The following DEPTOR variants were observed in gnomAD, a reference collection of about 807,000 sequenced individuals.
DEPTOR encodes DEP domain-containing mTOR-interacting protein.
In DEPTOR, 41 loss-of-function variants were observed where a neutral mutation model predicts 41.6. The observed-to-expected ratio is 0.98, with a 90% confidence interval of 0.77 to 1.28. The LOEUF is 1.28. DEPTOR is among the 50% of genes most tolerant of loss of function. The pLI is 0.00. For missense variants in DEPTOR, 514 were observed against 527.9 expected (o/e 0.97, Z 0.26); for synonymous variants, 195 against 192.3 (o/e 1.01, Z -0.12).
chr8:120,040,624 A>C (rs1459338388), intron 8 of DEPTOR, among the ~76,000 whole-genome samples: 4 of 151,402 alleles, frequency 2.6e-5, no homozygotes, highest in African/African-American at 9.8e-5. Context: ...GTGCTTTTTC[A>C]CTTGAGCAAT....
At chr8:119,884,429 G>A (rs1253539446) in intron 1 of DEPTOR, among the ~76,000 whole-genome samples, 7 of 152,190 alleles carry the variant, frequency 4.6e-5, no homozygotes, top group East Asian at 3.8e-4. Context: ...AATACTATGC[G>A]AGTCGTGAGT....
At chr8:119,981,629 A>C (rs1420636945) in intron 4 of DEPTOR, among the ~76,000 whole-genome samples, 1 of 148,336 alleles carries the variant, frequency 6.7e-6, no homozygotes, top group Non-Finnish European at 1.5e-5. Flanking sequence ...CTGCACTCCA[A>C]GCAACAGAGC....
intron 4 of DEPTOR, among the ~76,000 whole-genome samples, chr8:119,985,089 C>T (rs1828812796): frequency 6.6e-6 from 1 of 152,190 alleles, no homozygotes; most frequent in Non-Finnish European, 1.5e-5. Flanking sequence ...AGGAGAATCA[C>T]TTGGACCCAG....
chr8:119,910,159 T>TG (rs1230121102), intron 1 of DEPTOR, among the ~76,000 whole-genome samples: 2 of 152,294 alleles, frequency 1.3e-5, no homozygotes, highest in African/African-American at 4.8e-5. Context: ...GGGGCTACAT[T>TG]GGGAAACAGG....
In DEPTOR at chr8:119,991,051, TTTC is replaced by T. The variant is rs1347423919; in HGVS notation, c.605-10471_605-10469del. On this transcript the variant is annotated intron_variant, in intron 4 of 8. Coordinates refer to ENST00000286234, the MANE Select transcript of DEPTOR (RefSeq NM_022783.4). Reference sequence around the variant, plus strand: ...TTTCTTTTCTTTCTTTCTTTCTTTCTTTCTTTCTTTCTTTCTTTCTTTCTTTCT... The same window carrying T: ...TTTCTTTTCTTTCTTTCTTTCTTTCTTTTCTTTCTTTCTTTCTTTCTTTCT... Among the ~76,000 whole-genome samples the T allele has an allele frequency of 3.8e-3, 92 of 23,938 alleles. No homozygotes were observed. The South Asian group carries it at 0.04, about 10-fold the overall frequency. 15.7% of individuals were successfully genotyped at this position (23,938 alleles called of 152,430 possible).
chr8:119,923,150 T>C (rs1827917660), intron 1 of DEPTOR, among the ~76,000 whole-genome samples: 2 of 152,208 alleles, frequency 1.3e-5, no homozygotes, highest in African/African-American at 4.8e-5. Flanking sequence ...AGACTTATTA[T>C]GTATATTGAG....
At chr8:120,015,961 G>C (rs942062237) in intron 8 of DEPTOR, among the ~76,000 whole-genome samples, 1 of 152,156 alleles carries the variant, frequency 6.6e-6, no homozygotes, top group African/African-American at 2.4e-5. Flanking sequence ...TGTGGGGCAG[G>C]GGCAAGAAGG....
chr8:119,992,628 C>T (rs1812189441), intron 4 of DEPTOR, among the ~76,000 whole-genome samples: 1 of 151,526 alleles, frequency 6.6e-6, no homozygotes, highest in Non-Finnish European at 1.5e-5. Context: ...ATGTGACCTT[C>T]CTCCTTCCAA....
At chr8:119,932,819 G>A (rs1828062360) in intron 3 of DEPTOR, among the ~76,000 whole-genome samples, 1 of 152,142 alleles carries the variant, frequency 6.6e-6, no homozygotes, top group African/African-American at 2.4e-5. Flanking sequence ...TTTTTGAAGA[G>A]ACAACATTTG....
intron 4 of DEPTOR, among the ~76,000 whole-genome samples, chr8:119,967,405 G>T (rs1392190363): frequency 6.6e-6 from 1 of 151,726 alleles, no homozygotes; most frequent in Admixed American, 6.6e-5. Context: ...ATGACCTACA[G>T]TTAACCAACG....
rs371621253 is a variant in DEPTOR at position 119,963,538 on chromosome 8, A to G, written c.426-1694A>G. ...TAATTTTTTTGTATTTTTAATAGAG[A>G]TGGGGTTTTGTCATGTTGCCCAGGC... On this transcript the variant is annotated intron_variant, in intron 3 of 8. Transcript: ENST00000286234. 1.1e-4 allele frequency among the ~76,000 whole-genome samples: 17 copies of G among 152,018 alleles called. No individual in the cohort carries two copies. In the East Asian group the frequency reaches 1.4e-3, roughly 12 times the overall value.
intron 4 of DEPTOR, among the ~76,000 whole-genome samples, chr8:119,993,925 G>A (rs1812213522): frequency 6.6e-6 from 1 of 152,088 alleles, no homozygotes; most frequent in Non-Finnish European, 1.5e-5. Flanking sequence ...GGGAGACTGA[G>A]GCAGGTAGAT....
Position 119,928,588 on chromosome 8 carries a change from G to C in DEPTOR, c.301+10G>C. The C allele has an allele frequency of 6.2e-7, 1 of 1,611,348 alleles. No individual in the cohort carries two copies. Among genetic ancestry groups the C allele is most frequent in the Non-Finnish European group, 8.5e-7 (1 of 1,178,574 alleles). ...GGCATTATTCACCATGGTGAGTGCG[G>C]TGGCGAGTCAAGGTGACTTGAGAGA... On this transcript the variant is annotated intron_variant, in intron 2 of 8. Transcript: ENST00000286234.
intron 4 of DEPTOR, among the ~76,000 whole-genome samples, chr8:119,996,452 G>T (rs755688310): frequency 6.6e-6 from 1 of 152,144 alleles, no homozygotes; most frequent in Non-Finnish European, 1.5e-5. Flanking sequence ...TCATGTTTGA[G>T]GTCACCTGTT....
At chr8:119,881,989 C>T (rs1586596020) in intron 1 of DEPTOR, among the ~76,000 whole-genome samples, 1 of 152,266 alleles carries the variant, frequency 6.6e-6, no homozygotes, top group Non-Finnish European at 1.5e-5. Flanking sequence ...CTCCCAGGTT[C>T]GAGTGATTGT....
chr8:119,953,548 G>GC (rs1828379421), intron 3 of DEPTOR, among the ~76,000 whole-genome samples: 1 of 149,648 alleles, frequency 6.7e-6, no homozygotes, highest in South Asian at 2.1e-4. Flanking sequence ...CCAAGATTGT[G>GC]CCACTGCACT....
At chr8:119,924,616 G>A (rs1204426303) in intron 1 of DEPTOR, among the ~76,000 whole-genome samples, 2 of 151,990 alleles carry the variant, frequency 1.3e-5, no homozygotes, top group East Asian at 3.9e-4. Flanking sequence ...CATTTCAATG[G>A]GTGGAGAGTA....
intron 8 of DEPTOR, among the ~76,000 whole-genome samples, chr8:120,021,126 G>T (rs986668661): frequency 1.7e-5 from 1 of 58,174 alleles, no homozygotes; most frequent in East Asian, 3.9e-4. Flanking sequence ...GAATATGTGG[G>T]CCAGGTGCGG....
intron 4 of DEPTOR, among the ~76,000 whole-genome samples, chr8:119,987,633 C>T (rs1180061203): frequency 6.6e-6 from 1 of 152,158 alleles, no homozygotes; most frequent in Non-Finnish European, 1.5e-5. Flanking sequence ...GCGCCAACAG[C>T]TGCCCCTTCC....
Sources: gnomAD v4.1 joint callset for allele counts (sites outside exome capture counted in the v4.1 genomes callset) on GRCh38, gnomAD v4.1.1 for gene constraint, MANE v1.5 for transcripts, NCBI Gene and HGNC (gene_info 2026-07-23, HGNC 2026-07-21) for gene names.